The following PFKP variants were observed in gnomAD, a reference collection of about 807,000 sequenced individuals.
PFKP encodes phosphofructokinase, platelet, also known as ATP-dependent 6-phosphofructokinase, platelet type.
A neutral mutation model predicts 94.3 loss-of-function variants in PFKP; 101 were observed. The observed-to-expected ratio is 1.07, with a 90% confidence interval of 0.91 to 1.26. The LOEUF (loss-of-function observed/expected upper bound fraction) is 1.26, where lower values mean the gene tolerates loss of function less well. Ranked by LOEUF, PFKP falls within the 50% of genes most tolerant of loss-of-function variation. The pLI is 0.00. For missense variants in PFKP, 1,145 were observed against 1,103.3 expected, an observed-to-expected ratio of 1.04 and a Z score of -0.53; for synonymous variants, 573 against 432.6, an observed-to-expected ratio of 1.32 and a Z score of -4.03.
intron 13 of PFKP, among the ~76,000 whole-genome samples, chr10:3,113,786 C>T (rs1335895503): frequency 6.6e-6 from 1 of 151,404 alleles, no homozygotes; most frequent in Non-Finnish European, 1.5e-5. Flanking sequence ...TCTGATGGCC[C>T]TGACATTAGG....
intron 1 of PFKP, among the ~76,000 whole-genome samples, chr10:3,068,955 C>G (rs1831958966): frequency 6.6e-6 from 1 of 152,112 alleles, no homozygotes; most frequent in South Asian, 2.1e-4. Context: ...GCCCACTGCG[C>G]GGGTGACCTT....
intron 1 of PFKP, among the ~76,000 whole-genome samples, chr10:3,077,531 G>A (rs1304801347): frequency 6.6e-6 from 1 of 151,770 alleles, no homozygotes; most frequent in Non-Finnish European, 1.5e-5. Flanking sequence ...CTCCCAAAGT[G>A]CTGGGATTAC....
rs774474561 is a variant in PFKP, at chr10:3,113,462, G to A, written c.1315G>A (p.Asp439Asn). 84 of 1,613,148 alleles carry A rather than the reference G, an allele frequency of 5.2e-5. No homozygotes were observed. The highest frequency in any genetic ancestry group is 6.2e-5 in the Non-Finnish European group (73 of 1,179,782). The change falls in exon 13 of 22, where the codon GAC becomes AAC. Residue 439 changes from aspartate to asparagine, a missense_variant. Physicochemically the swap from Asp to Asn is conservative, Grantham distance 23. Around this residue, in one of 3 missense-constraint regions of PFKP, gnomAD observed 1,119 missense variants for 1,062.8 expected, o/e 1.05. Transcript: ENST00000381125. ...VRSAVRVGIADGHRMLAIYDG... is the reference protein window; with the variant it reads ...VRSAVRVGIANGHRMLAIYDG... ...CTCAGCTGTGCGCGTGGGCATTGCC[G>A]ACGGCCACAGGATGCTCGCCATCTA... is the stretch of plus-strand genomic sequence containing the variant.
intron 2 of PFKP, among the ~76,000 whole-genome samples, chr10:3,091,810 A>G (rs1834063643): frequency 1.3e-5 from 2 of 152,304 alleles, no homozygotes; most frequent in South Asian, 4.1e-4. Context: ...AAAGTCTTTT[A>G]TCTTAATTTT....
Position 3,099,279 on chromosome 10 carries a change from A to C in PFKP, c.191A>C (p.Tyr64Ser). Residue 64 changes from tyrosine to serine, a missense_variant, in exon 3 of 22, where the codon TAC (tyrosine) becomes TCC (serine). Coordinates refer to ENST00000381125, the MANE Select transcript of PFKP (RefSeq NM_002627.5). ...GAKVYFIYEG[Y>S]QGMVDGGSNI... ...GATTCTCCCTTTCTCCCCTAGGGCT[A>C]CCAGGGCATGGTGGACGGAGGCTCA... The C allele has an allele frequency of 6.2e-7, 1 of 1,612,454 alleles. No homozygotes were observed. Among genetic ancestry groups the C allele is most frequent in the Non-Finnish European group, 8.5e-7 (1 of 1,178,442 alleles).
At chr10:3,112,857 C>G (rs955439836) in intron 11 of PFKP, among the ~76,000 whole-genome samples, 1 of 152,212 alleles carries the variant, frequency 6.6e-6, no homozygotes, top group African/African-American at 2.4e-5. Context: ...CTTGAGCCAC[C>G]GCACGCATGT....
intron 4 of PFKP, among the ~76,000 whole-genome samples, chr10:3,101,979 C>A (rs184739131): frequency 8.6e-5 from 13 of 150,694 alleles, no homozygotes; most frequent in Admixed American, 4.6e-4. Context: ...GGGCCGGGCG[C>A]GGTGGCTCAC....
intron 3 of PFKP, among the ~76,000 whole-genome samples, chr10:3,100,098 T>A (rs1313904108): frequency 2.1e-5 from 3 of 144,450 alleles, no homozygotes; most frequent in Admixed American, 6.9e-5. Context: ...AGAGAGTGAG[T>A]GAGAGAATGG....
At chr10:3,125,987 C>T (rs1430080135) in intron 16 of PFKP, among the ~76,000 whole-genome samples, 1 of 152,212 alleles carries the variant, frequency 6.6e-6, no homozygotes. Context: ...CACAGCAAAG[C>T]AGAACTGCTG....
chr10:3,098,584 A>G (rs1303539273), intron 2 of PFKP, among the ~76,000 whole-genome samples: 1 of 147,178 alleles, frequency 6.8e-6, no homozygotes, highest in Non-Finnish European at 1.5e-5. Context: ...CTGAGGCAGG[A>G]GAATCACTTC....
intron 6 of PFKP, 76 bp downstream of exon 6, chr10:3,105,235 C>A: frequency 7.0e-7 from 1 of 1,435,758 alleles, no homozygotes; most frequent in Non-Finnish European, 9.8e-7. Context: ...AGGCTGCACC[C>A]CACATCCTGA....
chr10:3,103,885 G>A lies in PFKP; in HGVS notation c.561G>A (p.Thr187=), dbSNP rs747665743. 4.8e-5 allele frequency: 77 copies of A among 1,613,862 alleles called. No individual in the cohort carries two copies. The highest frequency in any genetic ancestry group is 1.7e-4 in the African/African-American group (13 of 74,940). Residue 187 remains threonine (T), a synonymous_variant, in exon 5 of 22, where the codon ACG becomes ACA. Transcript: ENST00000381125. ...GCGGCACCGACATGACCATCGGCAC[G>A]GACTCCGCCCTGCACAGGATCATCG... ...DFCGTDMTIG[T]DSALHRIIEV...
chr10:3,111,475 C>T (rs919205595), intron 10 of PFKP, among the ~76,000 whole-genome samples: 5 of 152,050 alleles, frequency 3.3e-5, no homozygotes, highest in Non-Finnish European at 5.9e-5. Context: ...CTAGAGACGA[C>T]CGTGGTAGGT....
intron 1 of PFKP, among the ~76,000 whole-genome samples, chr10:3,079,663 G>GGGGT (rs1554758256): frequency 2.3e-4 from 2 of 8,724 alleles, no homozygotes; most frequent in African/African-American, 1.2e-3. Flanking sequence ...AGAGCGGGGT[G>GGGGT]GGGGGGGGGG....
chr10:3,119,212 C>T (rs1039169875), intron 15 of PFKP, among the ~76,000 whole-genome samples: 1 of 152,164 alleles, frequency 6.6e-6, no homozygotes, highest in Non-Finnish European at 1.5e-5. Flanking sequence ...GTAGTTATAC[C>T]TAGAATTTTG....
chr10:3,116,990 C>A, intron 14 of PFKP, 144 bp downstream of exon 14: 2 of 707,802 alleles, frequency 2.8e-6, no homozygotes, highest in Non-Finnish European at 5.2e-6. Flanking sequence ...TACCGGTCCT[C>A]CCTCCAGTGG....
intron 16 of PFKP, chr10:3,125,157 C>G: frequency 7.4e-7 from 1 of 1,349,582 alleles, no homozygotes. Flanking sequence ...GCTTTGCATC[C>G]CCCTGTGTGT....
At chr10:3,086,097 ATGGAGTATCC>A in intron 2 of PFKP, among the ~76,000 whole-genome samples, 1 of 152,186 alleles carries the variant, frequency 6.6e-6, no homozygotes, top group East Asian at 1.9e-4. Flanking sequence ...CTGTTTGGGG[ATGGAGTATCC>A]TGGGAGGAGG....
chr10:3,075,796 G>A (rs112720077), intron 1 of PFKP, among the ~76,000 whole-genome samples: 5,828 of 150,230 alleles, frequency 0.039, 180 homozygotes, highest in Non-Finnish European at 0.056. Context: ...TCCCAGCCCC[G>A]TGGGAGATTG....
Sources: gnomAD v4.1 joint callset for allele counts (sites outside exome capture counted in the v4.1 genomes callset) on GRCh38, gnomAD v4.1.1 for gene constraint, gnomAD v4.1.1 regional missense constraint, MANE v1.5 for transcripts, NCBI Gene and HGNC (gene_info 2026-07-23, HGNC 2026-07-21) for gene names.